Variants in B4GALT6 observed in about 807,000 individuals in gnomAD.
B4GALT6 encodes the protein UDP-Gal:beta-GlcNAc beta-1,4-galactosyltransferase 6.
B4GALT6 carries 14 observed loss-of-function variants against 46.3 expected under a neutral mutation model. That is an observed-to-expected ratio of 0.30 (90% confidence interval 0.20 to 0.47). The LOEUF (loss-of-function observed/expected upper bound fraction) is 0.47, where lower values mean the gene tolerates loss of function less well. Ranked by LOEUF, B4GALT6 falls within the 20% of genes least tolerant of loss-of-function variation. B4GALT6 has a pLI of 0.99. For missense variants in B4GALT6, 386 were observed against 480.1 expected (o/e 0.80, Z 1.83); for synonymous variants, 168 against 162.0 (o/e 1.04, Z -0.28).
the B4GALT6 span, among the ~76,000 whole-genome samples, chr18:31,701,333 C>G: frequency 6.6e-6 from 1 of 152,198 alleles, no homozygotes; most frequent in African/African-American, 2.4e-5. Flanking sequence ...TCCTGCTTCT[C>G]CTGCACCTTC....
chr18:31,721,470 AT>A, the B4GALT6 span, among the ~76,000 whole-genome samples: 4 of 152,258 alleles, frequency 2.6e-5, no homozygotes, highest in African/African-American at 9.6e-5. Context: ...TACAAAAAAA[AT>A]AATGTGTGTC....
chr18:31,651,179 A>AC (rs537862886), intron 3 of B4GALT6, among the ~76,000 whole-genome samples: 2 of 151,106 alleles, frequency 1.3e-5, no homozygotes, highest in Non-Finnish European at 3.0e-5. Flanking sequence ...CTTATCTACC[A>AC]CCCCCTCAAC....
At chr18:31,667,108 CT>C (rs1181483259) in intron 1 of B4GALT6, among the ~76,000 whole-genome samples, 1 of 152,134 alleles carries the variant, frequency 6.6e-6, no homozygotes, top group Non-Finnish European at 1.5e-5. Context: ...AAATCCCTAA[CT>C]TTTGAGATGT....
chr18:31,626,151 G>A, intron 8 of B4GALT6, 132 bp downstream of exon 8: 1 of 541,862 alleles, frequency 1.8e-6, no homozygotes, highest in East Asian at 3.0e-5. Flanking sequence ...ATTCCCTTCA[G>A]CAAAAAATAC....
intron 2 of B4GALT6, among the ~76,000 whole-genome samples, chr18:31,663,875 T>A (rs572803915): frequency 6.6e-6 from 1 of 152,324 alleles, no homozygotes; most frequent in East Asian, 1.9e-4. Flanking sequence ...ATAATAATTA[T>A]TCGTAAATGT....
At chr18:31,696,442 T>C in the B4GALT6 span, among the ~76,000 whole-genome samples, 1 of 152,236 alleles carries the variant, frequency 6.6e-6, no homozygotes, top group Non-Finnish European at 1.5e-5. Flanking sequence ...TATCAAGTTT[T>C]ACTTCATTGC....
At chr18:31,694,101 G>C in the B4GALT6 span, among the ~76,000 whole-genome samples, 1 of 152,162 alleles carries the variant, frequency 6.6e-6, no homozygotes, top group African/African-American at 2.4e-5. Context: ...CTTAAAATAG[G>C]TCAAGGCAAG....
At position 31,625,369 on chromosome 18, in the gene B4GALT6, A is replaced by C; in HGVS notation, c.*245T>G. The C allele has an allele frequency of 2.5e-6, 1 of 404,498 alleles. No individual in the cohort carries two copies. Among genetic ancestry groups the C allele is most frequent in the Non-Finnish European group, 4.3e-6 (1 of 231,078 alleles). The allele number at this position is 404,498 out of a possible 1,614,324, so 25.1% of individuals were successfully genotyped here. A position where few individuals can be genotyped will look rare whatever the true frequency, so the allele number is the denominator to read the frequency against. Reference sequence around the variant, plus strand: ...TTTCTCTTCGGAGGGAGCTCTCTTAACTTCCGATCTTAAGTAGTGGCTTCC... The same window carrying C: ...TTTCTCTTCGGAGGGAGCTCTCTTACCTTCCGATCTTAAGTAGTGGCTTCC... On this transcript the variant is annotated 3_prime_UTR_variant, in exon 9 of 9. Coordinates refer to ENST00000306851, the MANE Select transcript of B4GALT6 (RefSeq NM_004775.5).
At chr18:31,633,409 C>T (rs2073815860) in intron 5 of B4GALT6, among the ~76,000 whole-genome samples, 1 of 152,184 alleles carries the variant, frequency 6.6e-6, no homozygotes, top group South Asian at 2.1e-4. Flanking sequence ...CCACCTATCA[C>T]ATACATTTAA....
At chr18:31,676,299 A>C (rs1055629976) in intron 1 of B4GALT6, among the ~76,000 whole-genome samples, 3 of 152,172 alleles carry the variant, frequency 2.0e-5, no homozygotes, top group African/African-American at 7.2e-5. Context: ...ATAGTAACAA[A>C]CTTCATATAG....
chr18:31,708,783 G>A, the B4GALT6 span, among the ~76,000 whole-genome samples: 1 of 152,036 alleles, frequency 6.6e-6, no homozygotes, highest in Admixed American at 6.6e-5. Flanking sequence ...GATAGATCTG[G>A]GGAGAAAATT....
chr18:31,687,331 T>C (rs1049372139), upstream of B4GALT6, among the ~76,000 whole-genome samples: 1 of 152,244 alleles, frequency 6.6e-6, no homozygotes, highest in African/African-American at 2.4e-5. Context: ...AGTCACTCTC[T>C]GTCCACAGTA....
At chr18:31,680,966 C>T (rs2074473180) in intron 1 of B4GALT6, among the ~76,000 whole-genome samples, 1 of 152,242 alleles carries the variant, frequency 6.6e-6, no homozygotes, top group Non-Finnish European at 1.5e-5. Context: ...TCATCCATTA[C>T]ATTTCAACCA....
At chr18:31,720,966 A>G in the B4GALT6 span, among the ~76,000 whole-genome samples, 1 of 152,174 alleles carries the variant, frequency 6.6e-6, no homozygotes, top group Non-Finnish European at 1.5e-5. Context: ...TCAAACAGAG[A>G]ATGTTGGTTA....
chr18:31,647,314 C>T (rs996052732), intron 3 of B4GALT6, among the ~76,000 whole-genome samples: 1 of 152,166 alleles, frequency 6.6e-6, no homozygotes, highest in Non-Finnish European at 1.5e-5. Context: ...CAGCAGTTTT[C>T]TCCAGCATCA....
intron 1 of B4GALT6, among the ~76,000 whole-genome samples, chr18:31,676,099 A>C (rs1388577584): frequency 1.3e-5 from 2 of 152,324 alleles, no homozygotes; most frequent in South Asian, 2.1e-4. Flanking sequence ...GATTCAAATG[A>C]AAATAATGTC....
intron 1 of B4GALT6, among the ~76,000 whole-genome samples, chr18:31,672,180 C>T (rs1051416062): frequency 6.6e-6 from 1 of 152,206 alleles, no homozygotes; most frequent in African/African-American, 2.4e-5. Flanking sequence ...AACGCAGCAT[C>T]CCTGTGATCC....
At chr18:31,640,005 TTTA>T (rs1229804510) in intron 4 of B4GALT6, among the ~76,000 whole-genome samples, 2 of 152,166 alleles carry the variant, frequency 1.3e-5, no homozygotes, top group East Asian at 1.9e-4. Flanking sequence ...CTGAGCTAGC[TTTA>T]TTATTATTGT....
At chr18:31,687,709 C>T (rs1209345521), upstream of B4GALT6, among the ~76,000 whole-genome samples, 1 of 152,090 alleles carries the variant, frequency 6.6e-6, no homozygotes, top group Non-Finnish European at 1.5e-5. Context: ...ACCAAGTATT[C>T]CTTTTATTAT....
Sources: allele counts gnomAD v4.1 joint callset (sites outside exome capture counted in the v4.1 genomes callset), GRCh38; gene constraint gnomAD v4.1.1; transcripts MANE v1.5; gene names NCBI Gene and HGNC (gene_info 2026-07-23, HGNC 2026-07-21).